The following PRKCA variants were observed in gnomAD, a reference collection of about 807,000 sequenced individuals.
PRKCA encodes protein kinase C alpha type.
A neutral mutation model predicts 87.0 loss-of-function variants in PRKCA; 27 were observed. The observed-to-expected ratio is 0.31, with a 90% confidence interval of 0.23 to 0.43. The LOEUF (loss-of-function observed/expected upper bound fraction) is 0.43. Among genes scored for constraint, PRKCA ranks in the 20% least tolerant of loss-of-function variants. PRKCA has a pLI of 1.00. For missense variants in PRKCA, 518 were observed against 852.3 expected (o/e 0.61, Z 4.88); for synonymous variants, 329 against 311.1 (o/e 1.06, Z -0.61).
chr17:66,621,980 T>C (rs1385768596), intron 3 of PRKCA, among the ~76,000 whole-genome samples: 2 of 152,076 alleles, frequency 1.3e-5, no homozygotes, highest in Non-Finnish European at 2.9e-5. Flanking sequence ...GGCGGGAGGA[T>C]TGCTTGAGGC....
At chr17:66,775,114 C>G in intron 14 of PRKCA, 1 of 985,356 alleles carries the variant, frequency 1.0e-6, no homozygotes, top group Non-Finnish European at 1.2e-6. Flanking sequence ...TGAGACCCTA[C>G]AAGATGGTGG....
chr17:66,685,964 G>A (rs1199893976), intron 5 of PRKCA, among the ~76,000 whole-genome samples: 5 of 152,110 alleles, frequency 3.3e-5, no homozygotes, highest in South Asian at 2.1e-4. Context: ...CAGTGCCGCC[G>A]GTCCAGGGAC....
At chr17:66,425,858 C>T (rs1193788343) in intron 2 of PRKCA, among the ~76,000 whole-genome samples, 2 of 152,018 alleles carry the variant, frequency 1.3e-5, no homozygotes, top group African/African-American at 2.4e-5. Context: ...GAGGTGGTGC[C>T]GGTTAGGAGG....
At chr17:66,801,460 T>G (rs1204324713) in intron 16 of PRKCA, among the ~76,000 whole-genome samples, 1 of 152,258 alleles carries the variant, frequency 6.6e-6, no homozygotes, top group Admixed American at 6.5e-5. Flanking sequence ...CTTTGGCTGT[T>G]GTCATCTGAA....
chr17:66,336,359 A>C (rs1375299159), intron 2 of PRKCA, among the ~76,000 whole-genome samples: 1 of 152,160 alleles, frequency 6.6e-6, no homozygotes, highest in East Asian at 1.9e-4. Context: ...CCCTAACCCA[A>C]CCTGTAAGAG....
chr17:66,542,863 T>C (rs1968030519), intron 3 of PRKCA, among the ~76,000 whole-genome samples: 1 of 152,240 alleles, frequency 6.6e-6, no homozygotes, highest in African/African-American at 2.4e-5. Context: ...TGTGATTTTC[T>C]TGGAACGAGG....
intron 5 of PRKCA, among the ~76,000 whole-genome samples, chr17:66,683,066 C>CT (rs141092347): frequency 0.054 from 8,289 of 152,266 alleles, 315 homozygotes; most frequent in Admixed American, 0.078. Flanking sequence ...ACTTCTGGGG[C>CT]TGGAATATCC....
At chr17:66,612,235 G>T (rs1285869104) in intron 3 of PRKCA, among the ~76,000 whole-genome samples, 3 of 152,056 alleles carry the variant, frequency 2.0e-5, no homozygotes, top group African/African-American at 7.2e-5. Context: ...ACAAAAATTA[G>T]CTGGGCATGG....
chr17:66,489,398 TC>T (rs1916132320), intron 2 of PRKCA, among the ~76,000 whole-genome samples: 68 of 128,204 alleles, frequency 5.3e-4, no homozygotes, highest in Non-Finnish European at 8.9e-4. Context: ...TATATATATT[TC>T]CCCCCTCAAT....
intron 3 of PRKCA, among the ~76,000 whole-genome samples, chr17:66,533,838 A>G (rs1315839888): frequency 6.6e-6 from 1 of 152,046 alleles, no homozygotes; most frequent in Non-Finnish European, 1.5e-5. Flanking sequence ...AGGCTGTTGG[A>G]AAGGGCAGTG....
chr17:66,393,524 T>A (rs1028343434), intron 2 of PRKCA, among the ~76,000 whole-genome samples: 1 of 152,190 alleles, frequency 6.6e-6, no homozygotes, highest in Non-Finnish European at 1.5e-5. Flanking sequence ...GGACGGCCTG[T>A]CGTTTCCTGA....
chr17:66,636,216 G>A (rs1240174740), intron 3 of PRKCA, among the ~76,000 whole-genome samples: 1 of 152,172 alleles, frequency 6.6e-6, no homozygotes, highest in Non-Finnish European at 1.5e-5. Flanking sequence ...AGGACGAGTT[G>A]CTCTCTGCAG....
At chr17:66,425,431 T>C (rs1912748246) in intron 2 of PRKCA, among the ~76,000 whole-genome samples, 1 of 152,192 alleles carries the variant, frequency 6.6e-6, no homozygotes, top group African/African-American at 2.4e-5. Flanking sequence ...CCCACGGTGC[T>C]GTGATAGAGT....
chr17:66,709,301 C>CTTTTTTTTTTTTTTTTT (rs552633887), intron 8 of PRKCA, among the ~76,000 whole-genome samples: 1 of 84,908 alleles, frequency 1.2e-5, no homozygotes, highest in African/African-American at 4.8e-5. Context: ...GAGATGATTT[C>CTTTTTTTTTTTTTTTTT]TTTTTTTTTT....
At chr17:66,314,625 G>A (rs946988348) in intron 2 of PRKCA, among the ~76,000 whole-genome samples, 5 of 152,172 alleles carry the variant, frequency 3.3e-5, no homozygotes, top group Non-Finnish European at 5.9e-5. Flanking sequence ...CCCGTCCACG[G>A]TGACTGCAGT....
At chr17:66,793,332 G>A (rs966689209) in intron 16 of PRKCA, among the ~76,000 whole-genome samples, 2 of 152,168 alleles carry the variant, frequency 1.3e-5, no homozygotes, top group African/African-American at 2.4e-5. Flanking sequence ...GCTCACGCCT[G>A]TAATCCCAGC....
chr17:66,463,093 T>C (rs991452274), intron 2 of PRKCA, among the ~76,000 whole-genome samples: 1 of 152,202 alleles, frequency 6.6e-6, no homozygotes, highest in Non-Finnish European at 1.5e-5. Context: ...TACTCTCCTG[T>C]GGCAGCCTTA....
At chr17:66,569,691 C>G (rs1022066737) in intron 3 of PRKCA, among the ~76,000 whole-genome samples, 1 of 152,162 alleles carries the variant, frequency 6.6e-6, no homozygotes, top group Non-Finnish European at 1.5e-5. Context: ...ATAAAGTGTT[C>G]AACCTGGGTC....
At chr17:66,306,651 T>G (rs1390672372) in intron 2 of PRKCA, among the ~76,000 whole-genome samples, 1 of 152,172 alleles carries the variant, frequency 6.6e-6, no homozygotes, top group African/African-American at 2.4e-5. Flanking sequence ...GGTATGACTA[T>G]GTAGCATGCT....
Sources: allele counts gnomAD v4.1 joint callset (sites outside exome capture counted in the v4.1 genomes callset), GRCh38; gene constraint gnomAD v4.1.1; transcripts MANE v1.5; gene names NCBI Gene and HGNC (gene_info 2026-07-23, HGNC 2026-07-21).